The following RASGRF2 variants were observed in gnomAD, a reference collection of about 807,000 sequenced individuals.
RASGRF2 encodes Ras protein specific guanine nucleotide releasing factor 2.
A neutral mutation model predicts 151.0 loss-of-function variants in RASGRF2; 76 were observed. The ratio of observed to expected loss-of-function variants is 0.50; its 90% CI spans 0.42 to 0.61. The LOEUF (loss-of-function observed/expected upper bound fraction) is 0.61, where lower values mean the gene tolerates loss of function less well. Ranked by LOEUF, RASGRF2 falls within the 20% of genes least tolerant of loss-of-function variation. The probability of loss-of-function intolerance (pLI) is 0.00; values close to 1 mark genes in which losing one functional copy is unlikely to be tolerated. For missense variants in RASGRF2, 1,148 were observed against 1,564.6 expected, an observed-to-expected ratio of 0.73 and a Z score of 4.49; for synonymous variants, 504 against 566.5, an observed-to-expected ratio of 0.89 and a Z score of 1.57.
At chr5:81,009,805 A>C (rs758888649) in intron 1 of RASGRF2, among the ~76,000 whole-genome samples, 2 of 152,238 alleles carry the variant, frequency 1.3e-5, no homozygotes, top group African/African-American at 4.8e-5. Flanking sequence ...CCTGAAAACT[A>C]TGCTGGAATA....
At chr5:81,024,249 ATTTTTTTTTTT>A (rs397884951) in intron 1 of RASGRF2, among the ~76,000 whole-genome samples, 28 of 71,692 alleles carry the variant, frequency 3.9e-4, no homozygotes, top group African/African-American at 7.6e-4. Context: ...TATTCATATA[ATTTTTTTTTTT>A]TTTTTTTTTT....
intron 1 of RASGRF2, among the ~76,000 whole-genome samples, chr5:80,981,296 G>A (rs1417942312): frequency 6.6e-6 from 1 of 151,944 alleles, no homozygotes; most frequent in Non-Finnish European, 1.5e-5. Context: ...AATGCTTTTG[G>A]GTTTTCAGGT....
chr5:81,127,272 C>A, intron 17 of RASGRF2, 109 bp downstream of exon 17: 1 of 1,187,442 alleles, frequency 8.4e-7, no homozygotes, highest in East Asian at 2.6e-5. Context: ...CACTGGAATC[C>A]CAGCATTTTG....
At chr5:81,106,654 A>G (rs993571844) in intron 12 of RASGRF2, among the ~76,000 whole-genome samples, 2 of 151,924 alleles carry the variant, frequency 1.3e-5, no homozygotes, top group South Asian at 2.1e-4. Context: ...CTTGATGTGT[A>G]TTTTCATCAG....
chr5:80,994,029 T>C (rs957517886), intron 1 of RASGRF2, among the ~76,000 whole-genome samples: 21 of 152,242 alleles, frequency 1.4e-4, no homozygotes, highest in Non-Finnish European at 1.9e-4. Context: ...AAGGAAATTC[T>C]GCCTTCCTGT....
chr5:80,987,547 C>T (rs551476034), intron 1 of RASGRF2, among the ~76,000 whole-genome samples: 1 of 152,266 alleles, frequency 6.6e-6, no homozygotes, highest in Non-Finnish European at 1.5e-5. Flanking sequence ...CTTATTTACT[C>T]TGCTAGTTTG....
intron 17 of RASGRF2, among the ~76,000 whole-genome samples, chr5:81,128,781 T>C (rs1451282746): frequency 1.3e-5 from 2 of 152,176 alleles, no homozygotes; most frequent in East Asian, 3.8e-4. Flanking sequence ...AGATAAAAAT[T>C]ATATTCATTA....
At chr5:81,202,152 G>C (rs1755410156) in intron 19 of RASGRF2, among the ~76,000 whole-genome samples, 1 of 152,004 alleles carries the variant, frequency 6.6e-6, no homozygotes, top group African/African-American at 2.4e-5. Context: ...TATGTGGAAA[G>C]GGCAGCCATT....
chr5:80,986,915 C>T (rs959458244), intron 1 of RASGRF2, among the ~76,000 whole-genome samples: 1 of 152,170 alleles, frequency 6.6e-6, no homozygotes, highest in African/African-American at 2.4e-5. Context: ...CTTTCCAGAA[C>T]CTTGAAGCCC....
rs1342107799 is a variant in RASGRF2 at position 81,160,681 on chromosome 5, A to AT, written c.2687-19494_2687-19493insT. ...GGTGACAGAGCAAGACTCTGTCTCA[A>AT]AAATAATAATAATAATAATAATAAT... is the stretch of plus-strand genomic sequence containing the variant. On this transcript the variant is annotated intron_variant, in intron 17 of 26. Transcript: ENST00000265080. Among the ~76,000 whole-genome samples, 6 of 137,854 alleles carry AT rather than the reference A, an allele frequency of 4.4e-5. No homozygotes were observed. The East Asian group carries it at 6.2e-4, about 14-fold the overall frequency. The allele number at this position is 137,854 out of a possible 152,430, so 90.4% of individuals were successfully genotyped here.
intron 26 of RASGRF2, among the ~76,000 whole-genome samples, chr5:81,224,063 C>A (rs572296083): frequency 2.3e-4 from 35 of 152,110 alleles, no homozygotes; most frequent in Non-Finnish European, 4.6e-4. Context: ...GACAATGAGA[C>A]AACATTTGCA....
chr5:81,079,337 T>G (rs1752021789), intron 5 of RASGRF2, among the ~76,000 whole-genome samples: 1 of 152,238 alleles, frequency 6.6e-6, no homozygotes, highest in African/African-American at 2.4e-5. Flanking sequence ...TCTGTTTTAT[T>G]TCGTGGACCA....
intron 17 of RASGRF2, among the ~76,000 whole-genome samples, chr5:81,158,692 AG>A (rs1754316055): frequency 6.6e-6 from 1 of 152,226 alleles, no homozygotes; most frequent in Admixed American, 6.5e-5. Flanking sequence ...AAACATGAAA[AG>A]GTGTCAATGT....
At chr5:80,970,539 A>G (rs1456436445) in intron 1 of RASGRF2, among the ~76,000 whole-genome samples, 1 of 145,156 alleles carries the variant, frequency 6.9e-6, no homozygotes, top group Non-Finnish European at 1.5e-5. Flanking sequence ...GTCTTTCCTC[A>G]TAGGTTTTTT....
intron 12 of RASGRF2, among the ~76,000 whole-genome samples, chr5:81,100,833 A>G (rs1011489625): frequency 6.6e-6 from 1 of 152,248 alleles, no homozygotes; most frequent in Non-Finnish European, 1.5e-5. Flanking sequence ...CTACTTTAAC[A>G]TAAAAAGGTG....
At chr5:81,027,054 C>G (rs1229422608) in intron 1 of RASGRF2, among the ~76,000 whole-genome samples, 1 of 152,098 alleles carries the variant, frequency 6.6e-6, no homozygotes, top group Non-Finnish European at 1.5e-5. Context: ...AATCATATCC[C>G]ATAAAATTCA....
chr5:81,011,752 CAAA>C (rs10573749), intron 1 of RASGRF2, among the ~76,000 whole-genome samples: 45 of 147,136 alleles, frequency 3.1e-4, no homozygotes, highest in Admixed American at 4.7e-4. Flanking sequence ...AACAAACAAA[CAAA>C]AAAAAAAAAA....
At chr5:81,049,234 A>AT (rs1279068645) in intron 2 of RASGRF2, among the ~76,000 whole-genome samples, 240 of 148,844 alleles carry the variant, frequency 1.6e-3, no homozygotes, top group African/African-American at 5.7e-3. Context: ...CTCCCCCTTT[A>AT]TTCCCCAAGC....
At position 81,134,363 on chromosome 5, in the gene RASGRF2, G is replaced by A. The variant is rs575261205; in HGVS notation, c.2686+7200G>A. Among the ~76,000 whole-genome samples the A allele has an allele frequency of 3.4e-5, 5 of 146,258 alleles. 1 individual carries two copies. The highest frequency in any genetic ancestry group is 1.3e-4 in the African/African-American group (5 of 39,576). ...TGTAGATATGGTAGGTGGGCTGGAT[G>A]TGAGGAGTGCTAGACTGAGTCCTGT... On this transcript the variant is annotated intron_variant, in intron 17 of 26. Transcript: ENST00000265080.
Sources: gnomAD v4.1 joint callset for allele counts (sites outside exome capture counted in the v4.1 genomes callset) on GRCh38, gnomAD v4.1.1 for gene constraint, MANE v1.5 for transcripts, NCBI Gene and HGNC (gene_info 2026-07-23, HGNC 2026-07-21) for gene names.